Variants in VTCN1 observed in about 807,000 individuals in gnomAD.
The protein encoded by VTCN1 is V-set domain-containing T-cell activation inhibitor 1.
Under a neutral mutation model 26.5 loss-of-function variants are expected in VTCN1, and 26 were observed. The ratio of observed to expected loss-of-function variants is 0.98; its 90% confidence interval spans 0.72 to 1.36. The LOEUF (loss-of-function observed/expected upper bound fraction) is 1.36, where lower values mean the gene tolerates loss of function less well. VTCN1 is among the 40% of genes most tolerant of loss of function. VTCN1 has a pLI of 0.00. For missense variants in VTCN1, 298 were observed against 337.7 expected (o/e 0.88, Z 0.92); for synonymous variants, 116 against 130.7 (o/e 0.89, Z 0.77).
rs1158910251 is a variant in VTCN1, at chr1:117,169,305, T to C, written c.97+802A>G. On this transcript the variant is annotated intron_variant, in intron 2 of 5. Transcript: ENST00000369458. This position sits in a 1 kb window ranked among gnomAD's most constrained non-coding sequence, Gnocchi z 4.0. ...GCTAGATACGTTCAGAAACTAACCA[T>C]CTGTGCTACAGCGGTATCTGTTTCC... Among the ~76,000 whole-genome samples the C allele has an allele frequency of 3.3e-5, 5 of 152,200 alleles. No individual in the cohort carries two copies. Among genetic ancestry groups the C allele is most frequent in the Non-Finnish European group, 5.9e-5 (4 of 68,026 alleles).
At chr1:117,177,351 T>C (rs1254026008) in intron 1 of VTCN1, among the ~76,000 whole-genome samples, 1 of 152,184 alleles carries the variant, frequency 6.6e-6, no homozygotes, top group Non-Finnish European at 1.5e-5. Context: ...GTGTAGAGTA[T>C]GTTTCCTGGC....
At chr1:117,205,153 T>TAG (rs1158839070) in intron 1 of VTCN1, among the ~76,000 whole-genome samples, 22 of 110,456 alleles carry the variant, frequency 2.0e-4, no homozygotes, top group African/African-American at 6.1e-4. Context: ...TTTATATATA[T>TAG]ATATAGAGAG....
intron 3 of VTCN1, among the ~76,000 whole-genome samples, chr1:117,154,409 T>C (rs764904755): frequency 4.6e-5 from 7 of 152,188 alleles, no homozygotes; most frequent in Non-Finnish European, 7.4e-5. Flanking sequence ...AAAAGTTGCA[T>C]AGAAGGTATA....
At chr1:117,181,150 T>C (rs1353069760) in intron 1 of VTCN1, among the ~76,000 whole-genome samples, 2 of 152,076 alleles carry the variant, frequency 1.3e-5, no homozygotes, top group Non-Finnish European at 2.9e-5. Flanking sequence ...GGAGTGGTGG[T>C]TCATGCCTGT....
intron 1 of VTCN1, among the ~76,000 whole-genome samples, chr1:117,202,277 G>A (rs925458520): frequency 1.3e-5 from 2 of 152,182 alleles, no homozygotes; most frequent in Non-Finnish European, 2.9e-5. Context: ...TGGTGGCTTC[G>A]AGTTGGGGCA....
At chr1:117,210,727 G>T in intron 1 of VTCN1, 97 bp downstream of exon 1, 1 of 1,288,894 alleles carries the variant, frequency 7.8e-7, no homozygotes, top group Non-Finnish European at 1.1e-6. Flanking sequence ...AATTACAGGT[G>T]GGGTCCTATG....
intron 1 of VTCN1, among the ~76,000 whole-genome samples, chr1:117,201,046 G>A (rs114222463): frequency 1.4e-3 from 209 of 152,256 alleles, no homozygotes; most frequent in Non-Finnish European, 1.7e-3. Context: ...CTCCCAAAGT[G>A]TTTGGATTAT....
chr1:117,169,528 G>T lies in VTCN1; in HGVS notation c.97+579C>A, dbSNP rs1173619874. Among the ~76,000 whole-genome samples, 2 of 152,200 alleles carry T rather than the reference G, an allele frequency of 1.3e-5. No individual in the cohort carries two copies. The highest frequency in any genetic ancestry group is 4.8e-5 in the African/African-American group (2 of 41,444). ...CATCTTCAGCACTGACTGATAGATA[G>T]ACTACTGATAAACATCTCATTTGAT... On this transcript the variant is annotated intron_variant, in intron 2 of 5. Transcript: ENST00000369458. The surrounding 1 kb of genome is among the most constrained non-coding windows in gnomAD (Gnocchi z 4.0).
chr1:117,180,764 A>G (rs1240235468), intron 1 of VTCN1, among the ~76,000 whole-genome samples: 1 of 152,126 alleles, frequency 6.6e-6, no homozygotes, highest in East Asian at 1.9e-4. Flanking sequence ...TCCCCACCAT[A>G]ATCTTGGCAT....
intron 1 of VTCN1, chr1:117,172,455 C>G (rs907125940): frequency 1.9e-6 from 1 of 518,696 alleles, no homozygotes; most frequent in African/African-American, 1.9e-5. Flanking sequence ...GTGAGAACAG[C>G]TAGATAAAGT....
At chr1:117,185,960 G>A (rs141580745) in intron 1 of VTCN1, among the ~76,000 whole-genome samples, 80 of 152,268 alleles carry the variant, frequency 5.3e-4, no homozygotes, top group African/African-American at 1.7e-3. Flanking sequence ...GGCACATACC[G>A]TCAAGACCTC....
chr1:117,206,948 G>A (rs963736052), intron 1 of VTCN1, among the ~76,000 whole-genome samples: 2 of 152,170 alleles, frequency 1.3e-5, no homozygotes, highest in South Asian at 4.1e-4. Context: ...AGAAGGTTCT[G>A]AAGGCTCAGA....
intron 3 of VTCN1, among the ~76,000 whole-genome samples, chr1:117,154,987 C>T (rs932735922): frequency 1.3e-5 from 2 of 152,062 alleles, no homozygotes; most frequent in Non-Finnish European, 2.9e-5. Context: ...TCTAGTCTGT[C>T]ATGTTTTCCC....
chr1:117,179,551 A>C (rs1647568835), intron 1 of VTCN1, among the ~76,000 whole-genome samples: 1 of 152,214 alleles, frequency 6.6e-6, no homozygotes, highest in African/African-American at 2.4e-5. Context: ...TTTCCAACAG[A>C]GCTCGCGGAG....
chr1:117,191,498 T>TA (rs1305399774), intron 1 of VTCN1, among the ~76,000 whole-genome samples: 1 of 151,910 alleles, frequency 6.6e-6, no homozygotes, highest in Admixed American at 6.6e-5. Flanking sequence ...ACTATTTCTA[T>TA]AAAAAATAAA....
chr1:117,204,051 C>A (rs1648921798), intron 1 of VTCN1, among the ~76,000 whole-genome samples: 1 of 152,190 alleles, frequency 6.6e-6, no homozygotes, highest in Non-Finnish European at 1.5e-5. Flanking sequence ...AAGACGATGT[C>A]TGAGTCCATT....
Position 117,147,691 on chromosome 1 carries a change from A to C in VTCN1, c.816T>G (p.Leu272=). 6.2e-7 allele frequency: 1 copy of C among 1,614,034 alleles called. No homozygotes were observed. Among genetic ancestry groups the C allele is most frequent in the South Asian group, 1.1e-5 (1 of 91,074 alleles). The change falls in exon 5 of 6, where the codon CTT becomes CTG. Residue 272 remains leucine (L), a synonymous_variant. Transcript: ENST00000369458. The surrounding 1 kb of genome is among the most constrained non-coding windows in gnomAD (Gnocchi z 4.6). Reference sequence around the variant, plus strand: ...GCATCAGGTAAGGGCTGAGAGGCAGAAGTGCCCAGCTGATGGCAAAGAAAG... The same window carrying C: ...GCATCAGGTAAGGGCTGAGAGGCAGCAGTGCCCAGCTGATGGCAAAGAAAG... ...VSSFFAISWA[L]LPLSPYLMLK
At chr1:117,192,391 AAAG>A (rs1441867445) in intron 1 of VTCN1, among the ~76,000 whole-genome samples, 1 of 152,200 alleles carries the variant, frequency 6.6e-6, no homozygotes, top group Admixed American at 6.5e-5. Context: ...GAGAGATGCT[AAAG>A]AAGGTTTCTC....
At position 117,170,909 on chromosome 1, in the gene VTCN1, C is replaced by T. The variant is rs754454483; in HGVS notation, c.33-738G>A. On this transcript the variant is annotated intron_variant, in intron 1 of 5. Transcript: ENST00000369458. Reference sequence around the variant, plus strand: ...AACGTGCAGGTTCGTTACATAGGTACACATGTGTCATGGTGGTTTGCTGCA... The same window carrying T: ...AACGTGCAGGTTCGTTACATAGGTATACATGTGTCATGGTGGTTTGCTGCA... Among the ~76,000 whole-genome samples the T allele has an allele frequency of 1.6e-4, 24 of 152,192 alleles. 1 individual carries two copies. The highest frequency in any genetic ancestry group is 3.4e-3 in the Middle Eastern group (1 of 294).
Sources: gnomAD v4.1 joint callset for allele counts (sites outside exome capture counted in the v4.1 genomes callset) on GRCh38, gnomAD v4.1.1 for gene constraint, Gnocchi (gnomAD v3.1) non-coding constraint, MANE v1.5 for transcripts, NCBI Gene and HGNC (gene_info 2026-07-23, HGNC 2026-07-21) for gene names.